Variants in ADGRL2 observed in about 807,000 individuals in gnomAD.
ADGRL2 encodes adhesion G protein-coupled receptor L2, also known as calcium-independent alpha-latrotoxin receptor 2.
In ADGRL2, 44 loss-of-function variants were observed where a neutral mutation model predicts 157.4. The ratio of observed to expected loss-of-function variants is 0.28; its 90% CI spans 0.22 to 0.36. ADGRL2 has a LOEUF of 0.36. Among genes scored for constraint, ADGRL2 ranks in the 10% least tolerant of loss-of-function variants. The pLI is 1.00. For synonymous variants in ADGRL2, 585 were observed against 624.7 expected (o/e 0.94, Z 0.95); for missense variants, 1,510 against 1,768.9 (o/e 0.85, Z 2.63).
intron 3 of ADGRL2, among the ~76,000 whole-genome samples, chr1:81,597,952 C>A (rs2081267303): frequency 6.6e-6 from 1 of 152,148 alleles, no homozygotes; most frequent in African/African-American, 2.4e-5. Context: ...AGCGGGTACA[C>A]AATGCTGCCC....
intron 1 of ADGRL2, among the ~76,000 whole-genome samples, chr1:81,736,936 G>A (rs986903029): frequency 6.6e-6 from 1 of 152,066 alleles, no homozygotes; most frequent in African/African-American, 2.4e-5. Flanking sequence ...CCGGGTTCAC[G>A]CCATTCTCCT....
At chr1:81,731,431 G>T (rs1007725343) in intron 1 of ADGRL2, among the ~76,000 whole-genome samples, 1 of 151,640 alleles carries the variant, frequency 6.6e-6, no homozygotes, top group Non-Finnish European at 1.5e-5. Flanking sequence ...TTTCCTTCAA[G>T]AACTTTTCAG....
intron 1 of ADGRL2, among the ~76,000 whole-genome samples, chr1:81,738,315 T>A (rs2084968037): frequency 6.6e-6 from 1 of 152,158 alleles, no homozygotes; most frequent in African/African-American, 2.4e-5. Flanking sequence ...TTATAATGGT[T>A]TCTAGTGTTA....
intron 2 of ADGRL2, among the ~76,000 whole-genome samples, chr1:81,851,648 A>G (rs928607282): frequency 2.6e-5 from 4 of 151,172 alleles, no homozygotes; most frequent in African/African-American, 7.3e-5. Flanking sequence ...TAATTACTTT[A>G]CTGTTAATAT....
chr1:81,929,255 G>C (rs1431663891), intron 3 of ADGRL2, among the ~76,000 whole-genome samples: 1 of 152,078 alleles, frequency 6.6e-6, no homozygotes, highest in African/African-American at 2.4e-5. Flanking sequence ...ATTGAAAATG[G>C]CATCCTGTGG....
intron 2 of ADGRL2, among the ~76,000 whole-genome samples, chr1:81,490,369 T>G (rs2078605590): frequency 6.6e-6 from 1 of 152,134 alleles, no homozygotes; most frequent in Non-Finnish European, 1.5e-5. Context: ...TGACCTCAGG[T>G]GATCCACCGG....
chr1:81,518,797 C>CAA lies in ADGRL2; in HGVS notation c.-247-62065_-247-62064dup, dbSNP rs202132760. On this transcript the variant is annotated intron_variant, in intron 2 of 24. Transcript: ENST00000370721. ...TAAGTAACAGAGTGAGACCTTGTCT[C>CAA]AAAAAAAAAAAAAAAGGTATTTATC... 3.9e-3 allele frequency among the ~76,000 whole-genome samples: 419 copies of CAA among 108,194 alleles called. 1 individual carries two copies. The highest frequency in any genetic ancestry group is 9.3e-3 in the African/African-American group (304 of 32,830). The allele number at this position is 108,194 out of a possible 152,430, so 71.0% of individuals were successfully genotyped here.
intron 1 of ADGRL2, among the ~76,000 whole-genome samples, chr1:81,817,415 T>A (rs1276704787): frequency 6.6e-6 from 1 of 152,012 alleles, no homozygotes; most frequent in Non-Finnish European, 1.5e-5. Flanking sequence ...TCACAAGAGA[T>A]CATGAATTTG....
intron 1 of ADGRL2, among the ~76,000 whole-genome samples, chr1:81,744,159 T>G (rs1032333590): frequency 1.3e-5 from 2 of 152,154 alleles, no homozygotes; most frequent in African/African-American, 4.8e-5. Flanking sequence ...AAGTATTCTA[T>G]GAGCAGACAA....
chr1:81,576,817 A>C (rs967758177), intron 2 of ADGRL2, among the ~76,000 whole-genome samples: 4 of 152,160 alleles, frequency 2.6e-5, no homozygotes, highest in Admixed American at 1.3e-4. Context: ...TACTTGTTGC[A>C]TAAGTTTTAT....
chr1:81,843,184 G>A (rs1413810909), intron 2 of ADGRL2, among the ~76,000 whole-genome samples: 1 of 152,108 alleles, frequency 6.6e-6, no homozygotes, highest in Non-Finnish European at 1.5e-5. Flanking sequence ...TCAGGCTGGA[G>A]TGCAGTGGTG....
intron 3 of ADGRL2, among the ~76,000 whole-genome samples, chr1:81,613,963 T>G (rs2081593081): frequency 6.6e-6 from 1 of 152,218 alleles, no homozygotes; most frequent in Non-Finnish European, 1.5e-5. Flanking sequence ...CCTGTCAATT[T>G]AGTATAATCT....
At chr1:81,869,608 C>G (rs2093638271) in intron 2 of ADGRL2, among the ~76,000 whole-genome samples, 1 of 151,976 alleles carries the variant, frequency 6.6e-6, no homozygotes, top group African/African-American at 2.4e-5. Context: ...ACTTTAGTCT[C>G]TTCACAGTTT....
intron 2 of ADGRL2, among the ~76,000 whole-genome samples, chr1:81,785,846 A>G (rs2087018069): frequency 6.6e-6 from 1 of 151,832 alleles, no homozygotes; most frequent in East Asian, 2.0e-4. Flanking sequence ...AGTGGCTCAC[A>G]CCTGTAATTC....
At chr1:81,454,993 A>G (rs1001452886) in intron 2 of ADGRL2, among the ~76,000 whole-genome samples, 2 of 152,232 alleles carry the variant, frequency 1.3e-5, no homozygotes, top group Non-Finnish European at 2.9e-5. Context: ...AGCAAGCCCA[A>G]AGATCCGTTA....
At chr1:81,911,111 A>G (rs1461548077) in intron 3 of ADGRL2, among the ~76,000 whole-genome samples, 1 of 152,160 alleles carries the variant, frequency 6.6e-6, no homozygotes, top group Non-Finnish European at 1.5e-5. Flanking sequence ...TGGTAAAAAT[A>G]TTGTATTCAC....
At chr1:81,645,634 TA>T (rs2082300865) in intron 3 of ADGRL2, among the ~76,000 whole-genome samples, 1 of 152,136 alleles carries the variant, frequency 6.6e-6, no homozygotes, top group South Asian at 2.1e-4. Flanking sequence ...CATCTTTTTT[TA>T]ACTTCACAAT....
In ADGRL2 at chr1:81,362,054, C is replaced by G. The variant is rs1054744241; in HGVS notation, c.-302+55545C>G. Among the ~76,000 whole-genome samples the G allele has an allele frequency of 2.6e-5, 4 of 151,874 alleles. No homozygotes were observed. In the East Asian group the frequency reaches 7.7e-4, roughly 29 times the overall value. ...GTATATTGTTCAACTTTAATAGACA[C>G]TATTCCTATATTAAGGCATCCCAAG... On this transcript the variant is annotated intron_variant, in intron 1 of 24. Transcript: ENST00000370721.
chr1:81,780,863 C>CCG (rs1352184812), intron 2 of ADGRL2, among the ~76,000 whole-genome samples: 1 of 152,056 alleles, frequency 6.6e-6, no homozygotes, highest in Non-Finnish European at 1.5e-5. Context: ...TATGTCCCCC[C>CCG]ACAGAATAAA....
Sources: gnomAD v4.1 joint callset for allele counts (sites outside exome capture counted in the v4.1 genomes callset) on GRCh38, gnomAD v4.1.1 for gene constraint, MANE v1.5 for transcripts, NCBI Gene and HGNC (gene_info 2026-07-23, HGNC 2026-07-21) for gene names.